Variants in HSBP1L1 observed in about 807,000 individuals in gnomAD.
The protein encoded by HSBP1L1 is heat shock factor binding protein 1 like 1.
A neutral mutation model predicts 9.7 loss-of-function variants in HSBP1L1; 8 were observed. The ratio of observed to expected loss-of-function variants is 0.82; its 90% CI spans 0.48 to 1.48. The LOEUF is 1.48. Among genes scored for constraint, HSBP1L1 ranks in the 40% most tolerant of loss-of-function variants. The probability of loss-of-function intolerance (pLI) is 0.00; values close to 1 mark genes in which losing one functional copy is unlikely to be tolerated. For synonymous variants in HSBP1L1, 39 were observed against 34.4 expected (o/e 1.13, Z -0.46); for missense variants, 106 against 95.8 (o/e 1.11, Z -0.44).
At chr18:79,965,678 G>T (rs1314293324) in intron 1 of HSBP1L1, among the ~76,000 whole-genome samples, 1 of 152,154 alleles carries the variant, frequency 6.6e-6, no homozygotes, top group Non-Finnish European at 1.5e-5. Flanking sequence ...AGGAGCGCAG[G>T]GTCACGAGAT....
rs553447003 is a variant in HSBP1L1, at chr18:79,965,235, G to A, written c.51+449G>A. On this transcript the variant is annotated intron_variant, in intron 1 of 3. Transcript: ENST00000451882. ...CCGGCCTCTTCCGGGAAATCCTCCC[G>A]CTCCCCAGGCCTTCCTACTTGCCAA... is the stretch of plus-strand genomic sequence containing the variant. 2.6e-5 allele frequency among the ~76,000 whole-genome samples: 4 copies of A among 152,302 alleles called. No individual in the cohort carries two copies. The East Asian group carries it at 5.8e-4, about 22-fold the overall frequency.
chr18:79,969,368 AAAGAAAG>A (rs1220216437), intron 3 of HSBP1L1, among the ~76,000 whole-genome samples: 13 of 50,142 alleles, frequency 2.6e-4, no homozygotes, highest in Admixed American at 7.2e-4. Flanking sequence ...AGAAAGAAAG[AAAGAAAG>A]AAAGAAAGAA....
Position 79,964,858 on chromosome 18 carries a change from C to CCG in HSBP1L1, c.51+72_51+73insCG, listed in dbSNP as rs1213328062. 2.3e-4 allele frequency: 143 copies of CCG among 619,618 alleles called. 2 individuals are homozygous for CCG. In the African/African-American group the frequency reaches 4.0e-3, roughly 17 times the overall value. 38.4% of individuals were successfully genotyped at this position (619,618 alleles called of 1,614,324 possible). On this transcript the variant is annotated intron_variant, in intron 1 of 3. Transcript: ENST00000451882. ...TGCGGTTCTGGGGGGTTTTGAGGTC[C>CCG]TGGGGGGGGAGCCTGCGGTGCTGGG...
chr18:79,966,599 T>C lies in HSBP1L1; in HGVS notation c.52-13T>C. ...AAATATTTATTCAATTGTCTTACGG[T>C]TTATTTTTTCAGGCAGAAAATCTAT... On this transcript the variant is annotated splice_polypyrimidine_tract_variant and intron_variant, in intron 1 of 3. Coordinates refer to ENST00000451882, the MANE Select transcript of HSBP1L1 (RefSeq NM_001136180.2). 6.5e-7 allele frequency: 1 copy of C among 1,543,450 alleles called. No homozygotes were observed. Among genetic ancestry groups the C allele is most frequent in the Non-Finnish European group, 8.8e-7 (1 of 1,140,226 alleles).
chr18:79,969,359 GAA>G (rs1375841246), intron 3 of HSBP1L1, among the ~76,000 whole-genome samples: 1 of 46,600 alleles, frequency 2.1e-5, no homozygotes, highest in Admixed American at 2.6e-4. Context: ...AAGAAAGAAA[GAA>G]AGAAAGAAAG....
At position 79,964,662 on chromosome 18, in the gene HSBP1L1, T is replaced by C. The variant is rs1232198042; in HGVS notation, c.-74T>C. 2.4e-6 allele frequency: 2 copies of C among 848,914 alleles called. No individual in the cohort carries two copies. Among genetic ancestry groups the C allele is most frequent in the Non-Finnish European group, 3.4e-6 (2 of 586,172 alleles). The allele number at this position is 848,914 out of a possible 1,614,324, so 52.6% of individuals were successfully genotyped here. ...CGGCCCATACGGGAATCGCGGAGCTTAGCTGTCGCCACCTCGCGCCGGGTC... is the reference window on the plus strand; with the variant it reads ...CGGCCCATACGGGAATCGCGGAGCTCAGCTGTCGCCACCTCGCGCCGGGTC... On this transcript the variant is annotated 5_prime_UTR_variant, in exon 1 of 4. Transcript: ENST00000451882.
chr18:79,969,261 AGGGAGGGAGGGAGG>A (rs2051275071), intron 3 of HSBP1L1, among the ~76,000 whole-genome samples: 1 of 7,878 alleles, frequency 1.3e-4, no homozygotes, highest in African/African-American at 2.9e-4. Context: ...AGAGAGAGAG[AGGGAGGGAGGGAGG>A]GAGGGAGGGA....
intron 1 of HSBP1L1, 68 bp from the exon 2 acceptor site, chr18:79,966,544 G>GAAAA: frequency 5.8e-6 from 6 of 1,032,296 alleles, no homozygotes; most frequent in East Asian, 2.9e-5. Flanking sequence ...CTTCATCTCA[G>GAAAA]AAAAAAAAAA....
intron 1 of HSBP1L1, among the ~76,000 whole-genome samples, chr18:79,966,301 T>C (rs1220605246): frequency 6.6e-6 from 1 of 152,086 alleles, no homozygotes; most frequent in Non-Finnish European, 1.5e-5. Context: ...CCCAGCACTT[T>C]GGGAGGTCAA....
intron 3 of HSBP1L1, among the ~76,000 whole-genome samples, chr18:79,969,218 AAGAAAGAG>A (rs751731508): frequency 3.3e-5 from 2 of 60,142 alleles, no homozygotes; most frequent in African/African-American, 1.1e-4. Context: ...GAAAGAAAGA[AAGAAAGAG>A]GAGAGAGAGG....
intron 3 of HSBP1L1, 146 bp from the exon 4 acceptor site, chr18:79,970,294 A>T (rs1055668256): frequency 1.6e-5 from 10 of 639,646 alleles, no homozygotes; most frequent in Admixed American, 1.5e-4. Flanking sequence ...AATGAGATAA[A>T]CTTGAAATAC....
At position 79,966,098 on chromosome 18, in the gene HSBP1L1, AT is replaced by A. The variant is rs1409678575; in HGVS notation, c.52-508del. On this transcript the variant is annotated intron_variant, in intron 1 of 3. Transcript: ENST00000451882. Reference sequence around the variant, plus strand: ...AGGCGCCCGCCACTGCACCCAGCTAATTTTTTGTATTTTTAGTAGAGATGGG... The same window carrying A: ...AGGCGCCCGCCACTGCACCCAGCTAATTTTTGTATTTTTAGTAGAGATGGG... Among the ~76,000 whole-genome samples, 7 of 152,090 alleles carry A rather than the reference AT, an allele frequency of 4.6e-5. No homozygotes were observed. The East Asian group carries it at 1.2e-3, about 25-fold the overall frequency.
intron 3 of HSBP1L1, among the ~76,000 whole-genome samples, chr18:79,969,400 A>AAAC (rs201355227): frequency 2.0e-4 from 30 of 147,872 alleles, no homozygotes; most frequent in African/African-American, 6.8e-4. Flanking sequence ...AGAAAAAAAA[A>AAAC]CGATGCAGAA....
chr18:79,966,917 G>A (rs1010569078), intron 2 of HSBP1L1: 11 of 388,790 alleles, frequency 2.8e-5, no homozygotes, highest in African/African-American at 2.3e-4. Flanking sequence ...GGGAGGCCGA[G>A]GTGGGCAGAT....
At chr18:79,969,376 AAAGAAAGAAAGAAAG>A (rs1423742851) in intron 3 of HSBP1L1, among the ~76,000 whole-genome samples, 8 of 52,290 alleles carry the variant, frequency 1.5e-4, no homozygotes, top group Non-Finnish European at 2.9e-4. Flanking sequence ...AGAAAGAAAG[AAAGAAAGAAAGAAAG>A]AAAAAAAAAC....
intron 3 of HSBP1L1, among the ~76,000 whole-genome samples, chr18:79,969,310 A>AG (rs779917505): frequency 7.2e-4 from 24 of 33,402 alleles, no homozygotes; most frequent in South Asian, 1.7e-3. Context: ...GAGAGAGAGA[A>AG]AGGAAAGAAA....
chr18:79,967,669 G>C (rs539972266), intron 2 of HSBP1L1: 2 of 154,228 alleles, frequency 1.3e-5, no homozygotes, highest in East Asian at 3.8e-4. Flanking sequence ...AGCTACTCGA[G>C]AGGCTGAGGC....
At chr18:79,969,218 AAGAAAGAGGAGAGAGAGGAGAGAGAGG>A (rs1345917635) in intron 3 of HSBP1L1, among the ~76,000 whole-genome samples, 1 of 60,096 alleles carries the variant, frequency 1.7e-5, no homozygotes, top group Non-Finnish European at 3.6e-5. Flanking sequence ...GAAAGAAAGA[AAGAAAGAGGAGAGAGAGGAGAGAGAGG>A]AGAGGAGAGA....
chr18:79,970,218 T>G, intron 3 of HSBP1L1: 1 of 491,684 alleles, frequency 2.0e-6, no homozygotes, highest in South Asian at 2.9e-5. Flanking sequence ...TGGTAAGTGG[T>G]TGTAAGGATT....
Sources: allele counts gnomAD v4.1 joint callset (sites outside exome capture counted in the v4.1 genomes callset), GRCh38; gene constraint gnomAD v4.1.1; transcripts MANE v1.5; gene names NCBI Gene and HGNC (gene_info 2026-07-23, HGNC 2026-07-21).